PRELID2: variants seen among roughly 807,000 people sequenced by gnomAD.
PRELID2 encodes the protein PRELI domain containing 2.
PRELID2 carries 25 observed loss-of-function variants against 28.4 expected under a neutral mutation model. The ratio of observed to expected loss-of-function variants is 0.88; its 90% CI spans 0.64 to 1.23. The LOEUF is 1.23. PRELID2 is among the 50% of genes most tolerant of loss of function. The pLI, the probability that PRELID2 is intolerant of heterozygous loss-of-function variation, is 0.00. For missense variants in PRELID2, 201 were observed against 214.4 expected (o/e 0.94, Z 0.39); for synonymous variants, 76 against 71.6 (o/e 1.06, Z -0.31).
At chr5:145,659,300 G>T (rs1754449447) in intron 1 of PRELID2, among the ~76,000 whole-genome samples, 1 of 152,164 alleles carries the variant, frequency 6.6e-6, no homozygotes, top group African/African-American at 2.4e-5. Flanking sequence ...TTGGCAGTTG[G>T]TTCCTTTTCA....
the PRELID2 span, among the ~76,000 whole-genome samples, chr5:145,326,729 A>G: frequency 6.6e-6 from 1 of 152,132 alleles, no homozygotes; most frequent in Non-Finnish European, 1.5e-5. Context: ...CCATATGAAA[A>G]AATAGTAACC....
At chr5:145,423,068 C>A in the PRELID2 span, among the ~76,000 whole-genome samples, 1 of 150,500 alleles carries the variant, frequency 6.6e-6, no homozygotes, top group Admixed American at 6.6e-5. Context: ...TTGGCCCCCA[C>A]TCTCTTCTGG....
rs141774458 is a variant in PRELID2, at chr5:145,494,960, T to C, written n.71-21645A>G. Among the ~76,000 whole-genome samples the C allele has an allele frequency of 2.4e-3, 367 of 152,306 alleles. 1 individual carries two copies. Among genetic ancestry groups the C allele is most frequent in the African/African-American group, 8.3e-3 (346 of 41,582 alleles). ...TATTCTTATATGTTAAGTGTGCCAA[T>C]GACAATATGTCTTCAGCAGTAGAAA... is the stretch of plus-strand genomic sequence containing the variant. On this transcript the variant is annotated intron_variant and non_coding_transcript_variant, in intron 1 of 2. Coordinates refer to the PRELID2 transcript ENST00000510259.
the PRELID2 span, among the ~76,000 whole-genome samples, chr5:145,335,683 G>A: frequency 1.3e-5 from 2 of 152,100 alleles, no homozygotes; most frequent in African/African-American, 4.8e-5. Context: ...CAAAACCAAT[G>A]GAATATAGCA....
At chr5:145,735,021 C>T (rs576035466) in intron 1 of PRELID2, among the ~76,000 whole-genome samples, 1 of 152,016 alleles carries the variant, frequency 6.6e-6, no homozygotes, top group South Asian at 2.1e-4. Context: ...ATAAGGCGGG[C>T]AGATCATGAA....
At chr5:145,368,691 G>C in the PRELID2 span, among the ~76,000 whole-genome samples, 1 of 151,788 alleles carries the variant, frequency 6.6e-6, no homozygotes, top group African/African-American at 2.4e-5. Flanking sequence ...AAAAGATGTA[G>C]TCACCCATAA....
the PRELID2 span, among the ~76,000 whole-genome samples, chr5:145,288,470 C>G: frequency 6.6e-6 from 1 of 151,994 alleles, no homozygotes; most frequent in African/African-American, 2.4e-5. Flanking sequence ...TAAATTTTGA[C>G]AATATAAGGT....
chr5:145,763,933 G>A lies in PRELID2; in HGVS notation c.*10+998C>T, dbSNP rs142671485. ...TCTACTAAAAATACAAAAATTAGCC[G>A]GGCATGATGGTGCACACCTGTAGTT... On this transcript the variant is annotated intron_variant, in intron 6 of 6. Transcript: ENST00000683046. Among the ~76,000 whole-genome samples, 795 of 152,004 alleles carry A rather than the reference G, an allele frequency of 5.2e-3. 2 individuals are homozygous for A. Among genetic ancestry groups the A allele is most frequent in the African/African-American group, 0.018 (753 of 41,456 alleles).
At chr5:145,378,448 C>A in the PRELID2 span, among the ~76,000 whole-genome samples, 1 of 152,138 alleles carries the variant, frequency 6.6e-6, no homozygotes, top group Non-Finnish European at 1.5e-5. Flanking sequence ...GGTATCTTTA[C>A]ATAATCCCAC....
chr5:145,551,212 C>G (rs1483808608), intron 1 of PRELID2, among the ~76,000 whole-genome samples: 1 of 151,916 alleles, frequency 6.6e-6, no homozygotes, highest in Non-Finnish European at 1.5e-5. Context: ...ACCAGCCTGG[C>G]CAACATGGTG....
chr5:145,657,277 T>G (rs1754412734), intron 1 of PRELID2, among the ~76,000 whole-genome samples: 12 of 152,158 alleles, frequency 7.9e-5, no homozygotes, highest in Admixed American at 6.5e-4. Flanking sequence ...TGTGAATTTT[T>G]TTAAAATAGA....
At chr5:145,447,078 T>C in the PRELID2 span, among the ~76,000 whole-genome samples, 2 of 150,360 alleles carry the variant, frequency 1.3e-5, no homozygotes, top group African/African-American at 2.4e-5. Context: ...AATAAATAAA[T>C]AAATAAAAAT....
At chr5:145,466,620 G>T in the PRELID2 span, among the ~76,000 whole-genome samples, 5 of 152,064 alleles carry the variant, frequency 3.3e-5, no homozygotes, top group East Asian at 7.7e-4. Flanking sequence ...ATTTTATTTT[G>T]ATATTGGCTG....
intron 1 of PRELID2, among the ~76,000 whole-genome samples, chr5:145,693,007 A>G (rs966425472): frequency 6.6e-6 from 1 of 152,214 alleles, no homozygotes; most frequent in Non-Finnish European, 1.5e-5. Flanking sequence ...TACGTCACCT[A>G]AAGAAATTCA....
chr5:145,418,616 AC>A, the PRELID2 span, among the ~76,000 whole-genome samples: 1 of 152,152 alleles, frequency 6.6e-6, no homozygotes, highest in Non-Finnish European at 1.5e-5. Flanking sequence ...TCTTCCACAA[AC>A]CTGACAAAAA....
chr5:145,707,000 C>G (rs1755565795), intron 1 of PRELID2, among the ~76,000 whole-genome samples: 1 of 152,196 alleles, frequency 6.6e-6, no homozygotes, highest in Non-Finnish European at 1.5e-5. Flanking sequence ...CCTGCTCATT[C>G]TGAATCTGCA....
chr5:145,778,371 G>T (rs150515916), intron 5 of PRELID2, among the ~76,000 whole-genome samples: 6 of 152,258 alleles, frequency 3.9e-5, no homozygotes, highest in African/African-American at 1.4e-4. Context: ...TCTGCTAGGG[G>T]CTGCACACTC....
At chr5:145,241,901 A>G in the PRELID2 span, among the ~76,000 whole-genome samples, 1 of 151,970 alleles carries the variant, frequency 6.6e-6, no homozygotes, top group Non-Finnish European at 1.5e-5. Flanking sequence ...AGGAGGAAAC[A>G]TTCTTTGGGA....
At chr5:145,328,151 A>C in the PRELID2 span, among the ~76,000 whole-genome samples, 2 of 152,102 alleles carry the variant, frequency 1.3e-5, no homozygotes, top group South Asian at 4.2e-4. Flanking sequence ...TCCATGGTAT[A>C]TATGTGCCAT....
Sources: gnomAD v4.1 joint callset for allele counts (sites outside exome capture counted in the v4.1 genomes callset) on GRCh38, gnomAD v4.1.1 for gene constraint, MANE v1.5 for transcripts, NCBI Gene and HGNC (gene_info 2026-07-23, HGNC 2026-07-21) for gene names.